The following PLXDC2 variants were observed in gnomAD, a reference collection of about 807,000 sequenced individuals.
The protein encoded by PLXDC2 is plexin domain containing 2, also known as plexin domain-containing protein 2.
In PLXDC2, 40 loss-of-function variants were observed where a neutral mutation model predicts 68.9. That is an observed-to-expected ratio of 0.58 (90% CI 0.45 to 0.76). PLXDC2 has a LOEUF of 0.76. PLXDC2 is among the 30% of genes least tolerant of loss of function. The pLI is 0.00. For synonymous variants in PLXDC2, 243 were observed against 234.2 expected (o/e 1.04, Z -0.34); for missense variants, 644 against 661.9 (o/e 0.97, Z 0.30).
At chr10:19,888,798 C>T (rs1837894770) in intron 1 of PLXDC2, among the ~76,000 whole-genome samples, 2 of 151,844 alleles carry the variant, frequency 1.3e-5, no homozygotes, top group Admixed American at 1.3e-4. Context: ...TCAAGGAAAG[C>T]ACGGTTACTA....
intron 1 of PLXDC2, among the ~76,000 whole-genome samples, chr10:19,939,243 G>C (rs140222204): frequency 6.6e-6 from 1 of 152,206 alleles, no homozygotes; most frequent in African/African-American, 2.4e-5. Flanking sequence ...TAATGAAACA[G>C]CCATTTCTAG....
chr10:20,218,916 C>T, intron 11 of PLXDC2, 148 bp from the exon 12 acceptor site: 4 of 791,198 alleles, frequency 5.1e-6, no homozygotes, highest in Non-Finnish European at 7.8e-6. Flanking sequence ...AGGACTTGCT[C>T]TCATTGCACT....
intron 4 of PLXDC2, among the ~76,000 whole-genome samples, chr10:20,104,547 A>G (rs1833464296): frequency 6.6e-6 from 1 of 152,204 alleles, no homozygotes; most frequent in African/African-American, 2.4e-5. Context: ...TTCTAATGAA[A>G]GTAGCAACTC....
chr10:19,973,113 T>C (rs1834381263), intron 1 of PLXDC2, among the ~76,000 whole-genome samples: 1 of 151,796 alleles, frequency 6.6e-6, no homozygotes, highest in East Asian at 1.9e-4. Flanking sequence ...GAATTTTAAT[T>C]ATATTTTTTC....
intron 1 of PLXDC2, among the ~76,000 whole-genome samples, chr10:19,942,982 T>A (rs1030428616): frequency 6.6e-6 from 1 of 152,232 alleles, no homozygotes; most frequent in Non-Finnish European, 1.5e-5. Flanking sequence ...CTCCAGTTAA[T>A]TCAAAAGCAG....
intron 2 of PLXDC2, among the ~76,000 whole-genome samples, chr10:20,011,989 G>A (rs560770011): frequency 1.5e-3 from 221 of 152,232 alleles, no homozygotes; most frequent in Admixed American, 2.4e-3. Flanking sequence ...AAACAGTGAC[G>A]TTCTGTAATT....
intron 4 of PLXDC2, among the ~76,000 whole-genome samples, chr10:20,106,958 C>A (rs1833499047): frequency 6.6e-6 from 1 of 150,568 alleles, no homozygotes; most frequent in African/African-American, 2.4e-5. Flanking sequence ...TGCTAACACT[C>A]AAAAAACTCT....
chr10:20,099,638 A>G (rs952327259), intron 4 of PLXDC2, among the ~76,000 whole-genome samples: 36 of 152,148 alleles, frequency 2.4e-4, no homozygotes, highest in African/African-American at 8.4e-4. Flanking sequence ...ACAAGTGCTA[A>G]ATTGTGTGAG....
At position 20,108,252 on chromosome 10, in the gene PLXDC2, A is replaced by G. The variant is rs544132579; in HGVS notation, c.542-35043A>G. The stretch of plus-strand genomic sequence containing the variant: ...GAGTTGGGTTCTGTAAGGCTTAGAG[A>G]TTGTCAGCAATTTAAAAAAAGATTG... On this transcript the variant is annotated intron_variant, in intron 4 of 13. Transcript: ENST00000377252. Among the ~76,000 whole-genome samples the G allele has an allele frequency of 3.2e-4, 48 of 152,218 alleles. 1 individual carries two copies. The South Asian group carries it at 8.7e-3, about 28-fold the overall frequency.
chr10:20,187,955 T>G (rs576592259), intron 9 of PLXDC2, among the ~76,000 whole-genome samples: 1 of 151,958 alleles, frequency 6.6e-6, no homozygotes, highest in East Asian at 1.9e-4. Flanking sequence ...TATCAGCCAT[T>G]TCAATAGAAA....
chr10:20,021,195 T>C (rs1237322534), intron 2 of PLXDC2, among the ~76,000 whole-genome samples: 4 of 144,518 alleles, frequency 2.8e-5, no homozygotes, highest in Non-Finnish European at 4.6e-5. Flanking sequence ...TATCCTGTTT[T>C]TTTTGTTTGT....
chr10:19,856,720 A>C (rs931885733), intron 1 of PLXDC2, among the ~76,000 whole-genome samples: 1 of 152,232 alleles, frequency 6.6e-6, no homozygotes, highest in Non-Finnish European at 1.5e-5. Context: ...GTTTCCAGAC[A>C]TGAATAAATG....
chr10:20,098,824 G>C (rs1268734217), intron 4 of PLXDC2, among the ~76,000 whole-genome samples: 1 of 152,146 alleles, frequency 6.6e-6, no homozygotes, highest in Non-Finnish European at 1.5e-5. Flanking sequence ...TTGGGAGTTA[G>C]TCCTCTGAAG....
At chr10:19,937,983 T>C (rs1196659743) in intron 1 of PLXDC2, among the ~76,000 whole-genome samples, 4 of 152,110 alleles carry the variant, frequency 2.6e-5, no homozygotes, top group Admixed American at 2.6e-4. Flanking sequence ...AGCTAACACA[T>C]TTTCCTTCAG....
chr10:19,914,138 GA>G (rs1254243356), intron 1 of PLXDC2, among the ~76,000 whole-genome samples: 1 of 147,894 alleles, frequency 6.8e-6, no homozygotes, highest in Non-Finnish European at 1.5e-5. Context: ...AGGAAGGAAA[GA>G]AGGAAGGAAG....
chr10:20,177,201 G>A (rs1330445084), intron 8 of PLXDC2, 107 bp downstream of exon 8: 6 of 1,337,852 alleles, frequency 4.5e-6, no homozygotes, highest in Non-Finnish European at 6.4e-6. Flanking sequence ...TTATAATTGT[G>A]TTTGGCATGC....
At chr10:20,249,352 A>C (rs1835640586) in intron 13 of PLXDC2, among the ~76,000 whole-genome samples, 1 of 152,210 alleles carries the variant, frequency 6.6e-6, no homozygotes, top group Non-Finnish European at 1.5e-5. Context: ...AATTGCCACA[A>C]ACCTAGTTAC....
intron 1 of PLXDC2, among the ~76,000 whole-genome samples, chr10:19,970,730 A>G (rs765463426): frequency 1.3e-5 from 2 of 152,196 alleles, no homozygotes; most frequent in Non-Finnish European, 1.5e-5. Flanking sequence ...GCTCCCAGGT[A>G]TACTGCCATG....
At chr10:19,890,781 C>A (rs1837945244) in intron 1 of PLXDC2, among the ~76,000 whole-genome samples, 1 of 142,314 alleles carries the variant, frequency 7.0e-6, no homozygotes, top group Non-Finnish European at 1.5e-5. Flanking sequence ...TATTTAATAC[C>A]ATTTAGACTT....
Sources: gnomAD v4.1 joint callset for allele counts (sites outside exome capture counted in the v4.1 genomes callset) on GRCh38, gnomAD v4.1.1 for gene constraint, MANE v1.5 for transcripts, NCBI Gene and HGNC (gene_info 2026-07-23, HGNC 2026-07-21) for gene names.